SLC1A3: variants seen among roughly 807,000 people sequenced by gnomAD.
SLC1A3 encodes excitatory amino acid transporter 1.
Under a neutral mutation model 48.1 loss-of-function variants are expected in SLC1A3, and 21 were observed. That is an observed-to-expected ratio of 0.44 (90% CI 0.31 to 0.63). The LOEUF (loss-of-function observed/expected upper bound fraction) is 0.63, where lower values mean the gene tolerates loss of function less well. Among genes scored for constraint, SLC1A3 ranks in the 20% least tolerant of loss-of-function variants. The pLI, the probability that SLC1A3 is intolerant of heterozygous loss-of-function variation, is 0.08. For synonymous variants in SLC1A3, 239 were observed against 251.4 expected, an observed-to-expected ratio of 0.95 and a Z score of 0.47; for missense variants, 546 against 689.0, an observed-to-expected ratio of 0.79 and a Z score of 2.32.
In SLC1A3 at chr5:36,686,624, AAATC is replaced by A. The variant is rs1348226091; in HGVS notation, c.*358_*361del. 3.9e-6 allele frequency: 1 copy of A among 254,322 alleles called. No homozygotes were observed. Among genetic ancestry groups the A allele is most frequent in the Admixed American group, 5.1e-5 (1 of 19,566 alleles). 15.8% of individuals were successfully genotyped at this position (254,322 alleles called of 1,614,324 possible). On this transcript the variant is annotated 3_prime_UTR_variant, in exon 10 of 10. Transcript: ENST00000265113. ...CAAATAGTAGGCTAAAAACATTTTA[AAATC>A]AACTTTTGAAATTTAAAAATCTTTC... is the stretch of plus-strand genomic sequence containing the variant.
intron 2 of SLC1A3, among the ~76,000 whole-genome samples, chr5:36,620,710 T>A (rs1222837606): frequency 6.6e-6 from 1 of 152,172 alleles, no homozygotes; most frequent in Non-Finnish European, 1.5e-5. Context: ...TGAACAAAAC[T>A]GTCCAAAAAA....
intron 2 of SLC1A3, among the ~76,000 whole-genome samples, chr5:36,620,738 C>G (rs1043857042): frequency 6.6e-6 from 1 of 152,132 alleles, no homozygotes; most frequent in Non-Finnish European, 1.5e-5. Flanking sequence ...AAAGTTCTAA[C>G]CTTGTGGAGC....
chr5:36,674,117 G>A (rs1480152046), intron 5 of SLC1A3, 26 bp downstream of exon 5: 9 of 1,598,806 alleles, frequency 5.6e-6, no homozygotes, highest in Non-Finnish European at 7.7e-6. Flanking sequence ...ACATTAACTT[G>A]CCTTTTAAAT....
chr5:36,630,016 G>A (rs1017286223), intron 3 of SLC1A3: 3 of 239,126 alleles, frequency 1.3e-5, no homozygotes, highest in African/African-American at 2.3e-5. Flanking sequence ...GGACTTGAGC[G>A]GGAGCCTTCT....
chr5:36,614,277 G>A (rs1281927668), intron 2 of SLC1A3, among the ~76,000 whole-genome samples: 1 of 152,140 alleles, frequency 6.6e-6, no homozygotes, highest in Non-Finnish European at 1.5e-5. Flanking sequence ...ATGGCTTCAA[G>A]CTGTCATATG....
In SLC1A3 at chr5:36,612,071, A is replaced by ACACACACACACG. The variant is rs1554038703; in HGVS notation, c.181+3478_181+3479insGCACACACACAC. On this transcript the variant is annotated intron_variant, in intron 2 of 9. Coordinates refer to ENST00000265113, the MANE Select transcript of SLC1A3 (RefSeq NM_004172.5). ...CTGATGTTGGTCTTGGCGCACGCGC[A>ACACACACACACG]CACACACACACACGCACACACACAC... is the stretch of plus-strand genomic sequence containing the variant. Among the ~76,000 whole-genome samples, 53 of 148,094 alleles carry ACACACACACACG rather than the reference A, an allele frequency of 3.6e-4. 1 individual carries two copies. Among genetic ancestry groups the ACACACACACACG allele is most frequent in the Non-Finnish European group, 4.6e-4 (31 of 67,462 alleles).
At chr5:36,640,376 A>G (rs1459172737) in intron 3 of SLC1A3, among the ~76,000 whole-genome samples, 4 of 152,264 alleles carry the variant, frequency 2.6e-5, no homozygotes, top group Non-Finnish European at 5.9e-5. Flanking sequence ...GCATTACCCC[A>G]TGATGTACTT....
intron 3 of SLC1A3, 41 bp downstream of exon 3, chr5:36,629,628 T>A: frequency 6.4e-7 from 1 of 1,566,908 alleles, no homozygotes; most frequent in Non-Finnish European, 8.8e-7. Context: ...TTTTTTTAAG[T>A]GTGTTTATTG....
At chr5:36,667,503 G>T (rs1580016944) in intron 3 of SLC1A3, among the ~76,000 whole-genome samples, 1 of 152,314 alleles carries the variant, frequency 6.6e-6, no homozygotes, top group African/African-American at 2.4e-5. Flanking sequence ...TACTCTCTTG[G>T]AAATGTGGGT....
chr5:36,629,692 T>G, intron 3 of SLC1A3, 105 bp downstream of exon 3: 1 of 956,338 alleles, frequency 1.0e-6, no homozygotes, highest in Non-Finnish European at 1.7e-6. Context: ...ATGCATGCTC[T>G]GTTCTAGAAA....
chr5:36,610,680 T>G (rs745330833), intron 2 of SLC1A3, among the ~76,000 whole-genome samples: 5 of 152,182 alleles, frequency 3.3e-5, no homozygotes, highest in Non-Finnish European at 7.3e-5. Context: ...AAAGTCTGTT[T>G]TTCTCTAGGA....
chr5:36,655,324 C>T (rs923178557), intron 3 of SLC1A3, among the ~76,000 whole-genome samples: 2 of 152,158 alleles, frequency 1.3e-5, no homozygotes, highest in African/African-American at 4.8e-5. Context: ...TTTCCTCAGC[C>T]TCGGCTTGGT....
At chr5:36,622,913 G>A (rs1278444269) in intron 2 of SLC1A3, among the ~76,000 whole-genome samples, 3 of 151,284 alleles carry the variant, frequency 2.0e-5, no homozygotes, top group African/African-American at 2.4e-5. Context: ...TCGGGAGGCT[G>A]AGGCAGGAGA....
chr5:36,609,059 A>T (rs4869676), intron 2 of SLC1A3: 316,261 of 989,946 alleles, frequency 0.32, 51,175 homozygotes, highest in South Asian at 0.48. Flanking sequence ...GAAGCTGAGT[A>T]TCAACGCTTA....
chr5:36,617,212 C>G (rs1369782250), intron 2 of SLC1A3, among the ~76,000 whole-genome samples: 1 of 152,156 alleles, frequency 6.6e-6, no homozygotes, highest in African/African-American at 2.4e-5. Flanking sequence ...GATCTACTCA[C>G]TATAAATCTG....
chr5:36,633,040 G>A (rs962210337), intron 3 of SLC1A3, among the ~76,000 whole-genome samples: 1 of 152,116 alleles, frequency 6.6e-6, no homozygotes, highest in African/African-American at 2.4e-5. Flanking sequence ...ATAAAATAGG[G>A]GTTTGGTGCC....
At chr5:36,598,882 C>T (rs960406858) in intron 1 of SLC1A3, among the ~76,000 whole-genome samples, 3 of 152,266 alleles carry the variant, frequency 2.0e-5, no homozygotes, top group Middle Eastern at 6.8e-3. Context: ...CCAACCTTGG[C>T]CTTCCAAAGT....
At chr5:36,682,157 C>G (rs1308124690) in intron 8 of SLC1A3, among the ~76,000 whole-genome samples, 1 of 152,160 alleles carries the variant, frequency 6.6e-6, no homozygotes, top group African/African-American at 2.4e-5. Context: ...CAGTTGTCCC[C>G]CAAAACATGT....
chr5:36,636,476 T>A (rs1323538778), intron 3 of SLC1A3: 2 of 115,000 alleles, frequency 1.7e-5, no homozygotes, highest in Non-Finnish European at 3.5e-5. Flanking sequence ...TCTTTCTTTC[T>A]TTCTTTCTTT....
Sources: allele counts gnomAD v4.1 joint callset (sites outside exome capture counted in the v4.1 genomes callset), GRCh38; gene constraint gnomAD v4.1.1; transcripts MANE v1.5; gene names NCBI Gene and HGNC (gene_info 2026-07-23, HGNC 2026-07-21).